Variants in SNAPC1 observed in about 807,000 individuals in gnomAD.
SNAPC1 encodes small nuclear RNA activating complex polypeptide 1.
Under a neutral mutation model 50.1 loss-of-function variants are expected in SNAPC1, and 42 were observed. That is an observed-to-expected ratio of 0.84 (90% CI 0.65 to 1.08). The LOEUF is 1.08. SNAPC1 is among the 50% of genes least tolerant of loss of function. The pLI is 0.00. For synonymous variants in SNAPC1, 164 were observed against 144.2 expected, an observed-to-expected ratio of 1.14 and a Z score of -0.98; for missense variants, 477 against 427.3, an observed-to-expected ratio of 1.12 and a Z score of -1.02.
intron 4 of SNAPC1, among the ~76,000 whole-genome samples, chr14:61,769,497 A>G (rs925501065): frequency 2.0e-5 from 3 of 146,688 alleles, no homozygotes; most frequent in Admixed American, 1.4e-4. Context: ...TCCCAGGTTC[A>G]AGCAATTCTC....
chr14:61,766,850 T>C (rs200038137), intron 1 of SNAPC1, 26 bp from the exon 2 acceptor site: 420 of 1,463,096 alleles, frequency 2.9e-4, no homozygotes, highest in Middle Eastern at 1.9e-3. Flanking sequence ...TAATGAGTCG[T>C]AATATATTTT....
At chr14:61,784,155 T>G (rs1314530315) in intron 8 of SNAPC1, among the ~76,000 whole-genome samples, 1 of 152,176 alleles carries the variant, frequency 6.6e-6, no homozygotes, top group Non-Finnish European at 1.5e-5. Context: ...GATACCATAT[T>G]TGTTAAGTAT....
chr14:61,774,364 A>C (rs1261326306), intron 4 of SNAPC1, among the ~76,000 whole-genome samples: 3 of 152,058 alleles, frequency 2.0e-5, no homozygotes, highest in Admixed American at 1.3e-4. Flanking sequence ...AGCTTGTTTA[A>C]TACTTAACAA....
chr14:61,783,389 G>C (rs1278301942), intron 8 of SNAPC1, among the ~76,000 whole-genome samples: 1 of 151,914 alleles, frequency 6.6e-6, no homozygotes, highest in Non-Finnish European at 1.5e-5. Context: ...TGTAGAATGA[G>C]ATATAAATAA....
In SNAPC1 at chr14:61,779,670, C is replaced by CT. The variant is rs1158203378; in HGVS notation, c.825+768dup. 8.6e-5 allele frequency among the ~76,000 whole-genome samples: 10 copies of CT among 116,588 alleles called. No homozygotes were observed. In the South Asian group the frequency reaches 2.5e-3, roughly 30 times the overall value. The allele number at this position is 116,588 out of a possible 152,430, so 76.5% of individuals were successfully genotyped here. A position where few individuals can be genotyped will look rare whatever the true frequency, so the allele number is the denominator to read the frequency against. ...TGGTTCCTCCCATTTCCTTTGAGTT[C>CT]TTTTTTTTCTATTTGTTTGAACTCT... On this transcript the variant is annotated intron_variant, in intron 7 of 9. Transcript: ENST00000216294.
In SNAPC1 at chr14:61,778,882, A is replaced by G; in HGVS notation, c.797A>G (p.Lys266Arg). 6.4e-7 allele frequency: 1 copy of G among 1,566,084 alleles called. No individual in the cohort carries two copies. Among genetic ancestry groups the G allele is most frequent in the South Asian group, 1.2e-5 (1 of 82,652 alleles). ...CERAESLAKI[K>R]SKAFSVVIQA... ...AGGGCAGAATCATTAGCGAAAATAA[A>G]ATCAAAGGCCTTTTCAGTTGTCATA... is the stretch of plus-strand genomic sequence containing the variant. Residue 266 changes from lysine (K) to arginine (R), a missense_variant, in exon 7 of 10, where the codon AAA becomes AGA. Physicochemically the swap from Lys to Arg is conservative, Grantham distance 26. Transcript: ENST00000216294.
At chr14:61,767,654 A>G (rs865936443) in intron 3 of SNAPC1, among the ~76,000 whole-genome samples, 1 of 151,574 alleles carries the variant, frequency 6.6e-6, no homozygotes, top group Non-Finnish European at 1.5e-5. Flanking sequence ...AGTAGAGACA[A>G]GGTTTCACCA....
chr14:61,768,381 G>A (rs2044964299), intron 3 of SNAPC1, among the ~76,000 whole-genome samples: 1 of 152,098 alleles, frequency 6.6e-6, no homozygotes, highest in Non-Finnish European at 1.5e-5. Flanking sequence ...ACTAGTTCTG[G>A]TTCTGCCATT....
chr14:61,771,774 A>G (rs2044993081), intron 4 of SNAPC1, among the ~76,000 whole-genome samples: 1 of 152,204 alleles, frequency 6.6e-6, no homozygotes, highest in South Asian at 2.1e-4. Context: ...CCTTGAGCAG[A>G]AGGCATACTT....
chr14:61,776,018 A>T, intron 4 of SNAPC1, 77 bp from the exon 5 acceptor site: 1 of 1,108,178 alleles, frequency 9.0e-7, no homozygotes, highest in Non-Finnish European at 1.3e-6. Context: ...TTGGAAGGTG[A>T]CTATTTTGTG....
chr14:61,782,687 A>G (rs1022159849), intron 8 of SNAPC1, among the ~76,000 whole-genome samples: 13 of 152,142 alleles, frequency 8.5e-5, no homozygotes, highest in Non-Finnish European at 1.3e-4. Context: ...AGGTGGGCGG[A>G]TCACTTGAGG....
At chr14:61,793,022 T>A (rs940120405) in intron 9 of SNAPC1, 120 bp downstream of exon 9, 7 of 538,500 alleles carry the variant, frequency 1.3e-5, no homozygotes, top group Non-Finnish European at 2.4e-5. Context: ...CCTTTCATCT[T>A]TGACCCATTG....
At chr14:61,766,787 A>G (rs953286704) in intron 1 of SNAPC1, 89 bp from the exon 2 acceptor site, 7 of 660,188 alleles carry the variant, frequency 1.1e-5, no homozygotes, top group Non-Finnish European at 1.8e-5. Flanking sequence ...TCAAATTATA[A>G]CTACCGTTTA....
chr14:61,776,139 A>T lies in SNAPC1; in HGVS notation c.579A>T (p.Val193=). ...VHDHYQNMKH[V]ISVDKSKPDK... is the part of the protein sequence containing the mutation. ...ATCATTATCAGAACATGAAACATGTAATTTCAGTTGATAAGTCCAAGCCAG... is the reference window on the plus strand; with the variant it reads ...ATCATTATCAGAACATGAAACATGTTATTTCAGTTGATAAGTCCAAGCCAG... Residue 193 remains valine (V), a synonymous_variant, in exon 5 of 10, where the codon GTA becomes GTT. Transcript: ENST00000216294. 2 of 1,608,380 alleles carry T rather than the reference A, an allele frequency of 1.2e-6. No homozygotes were observed. The highest frequency in any genetic ancestry group is 1.7e-6 in the Non-Finnish European group (2 of 1,178,822).
intron 1 of SNAPC1, among the ~76,000 whole-genome samples, chr14:61,764,831 TTC>T (rs1294486323): frequency 6.6e-6 from 1 of 152,238 alleles, no homozygotes; most frequent in Non-Finnish European, 1.5e-5. Context: ...GCATTTTGTA[TTC>T]TTTTCCTATA....
rs550061117 is a variant in SNAPC1 at position 61,788,493 on chromosome 14, G to T, written c.977-4314G>T. Among the ~76,000 whole-genome samples, 5 of 152,210 alleles carry T rather than the reference G, an allele frequency of 3.3e-5. No homozygotes were observed. The South Asian group carries it at 8.3e-4, about 25-fold the overall frequency. ...TAATTGTAAAAGAGCTTTTATAAAT[G>T]AATAAGAAAAGGGCCACCACCCAGT... On this transcript the variant is annotated intron_variant, in intron 8 of 9. Coordinates refer to ENST00000216294, the MANE Select transcript of SNAPC1 (RefSeq NM_003082.4).
intron 4 of SNAPC1, 125 bp downstream of exon 4, chr14:61,768,865 A>G (rs950749410): frequency 3.5e-5 from 19 of 550,610 alleles, no homozygotes; most frequent in Admixed American, 3.1e-5. Context: ...CTAGGATGCT[A>G]TTTCTCTAGA....
intron 1 of SNAPC1, among the ~76,000 whole-genome samples, chr14:61,763,507 C>CTTTTTTTTTTTTTTTTT (rs1566586009): frequency 1.4e-5 from 1 of 70,278 alleles, no homozygotes; most frequent in African/African-American, 5.7e-5. Context: ...TTTTTTTTTT[C>CTTTTTTTTTTTTTTTTT]TTTGGGCCCT....
chr14:61,767,177 C>T (rs764231541), intron 2 of SNAPC1, 35 bp from the exon 3 acceptor site: 1 of 1,380,886 alleles, frequency 7.2e-7, no homozygotes, highest in East Asian at 2.6e-5. Context: ...AAAATATTTA[C>T]ATTTAGTACA....
Sources: allele counts gnomAD v4.1 joint callset (sites outside exome capture counted in the v4.1 genomes callset), GRCh38; gene constraint gnomAD v4.1.1; transcripts MANE v1.5; gene names NCBI Gene and HGNC (gene_info 2026-07-23, HGNC 2026-07-21).